The following RNF19B variants were observed in gnomAD, a reference collection of about 807,000 sequenced individuals.
RNF19B encodes the protein E3 ubiquitin-protein ligase RNF19B.
RNF19B carries 23 observed loss-of-function variants against 65.5 expected under a neutral mutation model. That is an observed-to-expected ratio of 0.35 (90% confidence interval 0.25 to 0.50). The LOEUF is 0.50. Among genes scored for constraint, RNF19B ranks in the 20% least tolerant of loss-of-function variants. The pLI is 0.98. For synonymous variants in RNF19B, 372 were observed against 379.6 expected (o/e 0.98, Z 0.23); for missense variants, 794 against 980.0 (o/e 0.81, Z 2.53).
Position 32,949,412 on chromosome 1 carries a change from T to C in RNF19B, c.841+157A>G, listed in dbSNP as rs142818667. ...CTATAATGGTCAGAGAGGGAAGTGC[T>C]ATCTTTATTATAATATTGAAAGTAT... On this transcript the variant is annotated intron_variant, in intron 2 of 8. Coordinates refer to ENST00000235150, the MANE Select transcript of RNF19B (RefSeq NM_001300826.2). Among the ~76,000 whole-genome samples the C allele has an allele frequency of 3.9e-5, 6 of 152,364 alleles. No individual in the cohort carries two copies. In the East Asian group the frequency reaches 1.2e-3, roughly 29 times the overall value.
chr1:32,929,955 C>G, the RNF19B span, among the ~76,000 whole-genome samples: 1 of 152,144 alleles, frequency 6.6e-6, no homozygotes, highest in Admixed American at 6.6e-5. Context: ...AAGGTACACA[C>G]TACAAACTTT....
chr1:32,954,816 C>G (rs762537545), intron 1 of RNF19B, among the ~76,000 whole-genome samples: 2 of 151,534 alleles, frequency 1.3e-5, no homozygotes, highest in Non-Finnish European at 2.9e-5. Context: ...CACATTCAAA[C>G]GTAGCTAAAC....
rs1267971556 is a variant in RNF19B at position 32,936,811 on chromosome 1, C to T, written c.2191G>A (p.Val731Ile). 1.3e-6 allele frequency: 2 copies of T among 1,559,798 alleles called. No homozygotes were observed. Among genetic ancestry groups the T allele is most frequent in the African/African-American group, 1.4e-5 (1 of 73,674 alleles). The change falls in exon 9 of 9, where the codon GTA becomes ATA. Residue 731 changes from valine to isoleucine, a missense_variant. Coordinates refer to ENST00000235150, the MANE Select transcript of RNF19B (RefSeq NM_001300826.2). ...ACAGGAGCATTCATTCCACTTCATA[C>T]TCTGGCTTCTCCACCTTCTGGCTTC... ...VLKPEGGEARV is the reference protein window; with the variant it reads ...VLKPEGGEARI
At chr1:32,961,257 G>A (rs1642763213) in intron 1 of RNF19B, among the ~76,000 whole-genome samples, 1 of 152,178 alleles carries the variant, frequency 6.6e-6, no homozygotes, top group Admixed American at 6.5e-5. Context: ...CTAGACTCTA[G>A]TATCTTTGGC....
In RNF19B at chr1:32,937,255, A is replaced by G. The variant is rs776711233; in HGVS notation, c.1747T>C (p.Cys583Arg). The G allele has an allele frequency of 1.2e-6, 2 of 1,613,856 alleles. No individual in the cohort carries two copies. Among genetic ancestry groups the G allele is most frequent in the Admixed American group, 3.3e-5 (2 of 60,020 alleles). ...ISSYNPQDRE[C>R]NNMEIQVDIE... ...TCCACTTGGATTTCCATATTGTTGC[A>G]TTCTCTGTGGAGACAAAATCCACTT... The change falls in exon 9 of 9, where the codon TGC becomes CGC. Residue 583 changes from cysteine to arginine, a missense_variant. By Grantham distance (180) the Cys-to-Arg change is radical. Around this residue, in one of 3 missense-constraint regions of RNF19B, gnomAD observed 368 missense variants for 447.3 expected, o/e 0.82. Coordinates refer to ENST00000235150, the MANE Select transcript of RNF19B (RefSeq NM_001300826.2).
rs1333911278 is a variant in RNF19B at position 32,946,747 on chromosome 1, T to TA, written c.984-184dup. 5.9e-5 allele frequency among the ~76,000 whole-genome samples: 9 copies of TA among 152,366 alleles called. No individual in the cohort carries two copies. The East Asian group carries it at 1.7e-3, about 29-fold the overall frequency. ...CAGACTATTAGAGCTCTGGGCTCTT[T>TA]AACTTTTTTGGTTGTTGTTGTAAAG... On this transcript the variant is annotated intron_variant, in intron 3 of 8. Transcript: ENST00000235150.
chr1:32,940,388 T>G (rs1472684557), intron 7 of RNF19B, among the ~76,000 whole-genome samples: 1 of 152,108 alleles, frequency 6.6e-6, no homozygotes, highest in Non-Finnish European at 1.5e-5. Context: ...GGCACTCAGG[T>G]GGGAGATCCA....
downstream of RNF19B, among the ~76,000 whole-genome samples, chr1:32,936,221 A>T (rs1052871204): frequency 2.0e-5 from 3 of 152,182 alleles, no homozygotes; most frequent in African/African-American, 7.2e-5. Context: ...TATTCAGCTG[A>T]CTCAGCTAAT....
chr1:32,932,704 C>A (rs927508955), downstream of RNF19B, among the ~76,000 whole-genome samples: 9 of 152,188 alleles, frequency 5.9e-5, no homozygotes, highest in African/African-American at 2.2e-4. Context: ...CTGAAGATTA[C>A]CTCCTCCTGG....
Position 32,937,142 on chromosome 1 carries a change from A to T in RNF19B, c.1860T>A (p.Asn620Lys). Residue 620 changes from asparagine to lysine, a missense_variant, in exon 9 of 9, where the codon AAT becomes AAA. Asn to Lys is a moderately conservative substitution (Grantham distance 94, BLOSUM62 0). This residue lies in a region of RNF19B where 368 missense variants were observed against 447.3 expected (regional missense o/e 0.82). Coordinates refer to ENST00000235150, the MANE Select transcript of RNF19B (RefSeq NM_001300826.2). The part of the protein sequence containing the change: ...SLHVHAQMAE[N>K]EEEGSGGGGS... ...CTCCGCCACCACTACCTTCTTCTTCATTCTCTGCCATCTGAGCATGAACAT... is the reference window on the plus strand; with the variant it reads ...CTCCGCCACCACTACCTTCTTCTTCTTTCTCTGCCATCTGAGCATGAACAT... 1 of 1,614,040 alleles carries T rather than the reference A, an allele frequency of 6.2e-7. No homozygotes were observed. The highest frequency in any genetic ancestry group is 8.5e-7 in the Non-Finnish European group (1 of 1,180,038).
downstream of RNF19B, among the ~76,000 whole-genome samples, chr1:32,933,438 T>C (rs1642053609): frequency 6.6e-6 from 1 of 152,036 alleles, no homozygotes; most frequent in Non-Finnish European, 1.5e-5. Context: ...GTATTTTTAG[T>C]AGAGACGGGG....
chr1:32,958,278 A>C (rs1467527234), intron 1 of RNF19B, among the ~76,000 whole-genome samples: 1 of 152,246 alleles, frequency 6.6e-6, no homozygotes, highest in Non-Finnish European at 1.5e-5. Context: ...TTAAAGATTT[A>C]AGAAACTCAT....
At chr1:32,955,942 A>T (rs1642628626) in intron 1 of RNF19B, among the ~76,000 whole-genome samples, 1 of 152,180 alleles carries the variant, frequency 6.6e-6, no homozygotes, top group Non-Finnish European at 1.5e-5. Flanking sequence ...TGAAGAATAC[A>T]GACACAGCTG....
intron 8 of RNF19B, among the ~76,000 whole-genome samples, chr1:32,938,141 A>AAAAAAAAAAAAAAAAAAAAAAAAAAAAC (rs1642148877): frequency 1.1e-5 from 1 of 92,496 alleles, no homozygotes; most frequent in African/African-American, 6.0e-5. Flanking sequence ...CAAGAAAGAC[A>AAAAAAAAAAAAAAAAAAAAAAAAAAAAC]AAAAAAAAAA....
At chr1:32,961,042 G>A (rs1642759119) in intron 1 of RNF19B, among the ~76,000 whole-genome samples, 1 of 152,054 alleles carries the variant, frequency 6.6e-6, no homozygotes, top group South Asian at 2.1e-4. Context: ...AAAGCCACTA[G>A]GCACATCCCA....
At chr1:32,940,039 T>C (rs1642196791) in intron 7 of RNF19B, among the ~76,000 whole-genome samples, 1 of 152,226 alleles carries the variant, frequency 6.6e-6, no homozygotes, top group African/African-American at 2.4e-5. Context: ...TCCTACTGCC[T>C]GAGCCTTTGC....
At chr1:32,943,531 A>C (rs1247499299) in intron 6 of RNF19B, among the ~76,000 whole-genome samples, 1 of 151,738 alleles carries the variant, frequency 6.6e-6, no homozygotes, top group Non-Finnish European at 1.5e-5. Flanking sequence ...CAGGAGAATC[A>C]CTTGAACCTG....
chr1:32,932,573 C>G (rs1014716206), downstream of RNF19B, among the ~76,000 whole-genome samples: 1 of 152,168 alleles, frequency 6.6e-6, no homozygotes, highest in East Asian at 1.9e-4. Flanking sequence ...AATGAGTATT[C>G]ATTTACCATA....
rs1012417079 is a variant in RNF19B, at chr1:32,941,864, A to G, written c.1610+388T>C. On this transcript the variant is annotated intron_variant, in intron 7 of 8. Coordinates refer to ENST00000235150, the MANE Select transcript of RNF19B (RefSeq NM_001300826.2). ...TGTAATCCCAACGGTTTGGGAGGCC[A>G]AGGCGGGCGGATCACGAGGTCAGGA... is the stretch of plus-strand genomic sequence containing the variant. Among the ~76,000 whole-genome samples, 16 of 152,130 alleles carry G rather than the reference A, an allele frequency of 1.1e-4. No individual in the cohort carries two copies. The East Asian group carries it at 1.9e-3, about 18-fold the overall frequency.
Sources: allele counts gnomAD v4.1 joint callset (sites outside exome capture counted in the v4.1 genomes callset), GRCh38; gene constraint gnomAD v4.1.1; regional missense constraint gnomAD v4.1.1; transcripts MANE v1.5; gene names NCBI Gene and HGNC (gene_info 2026-07-23, HGNC 2026-07-21).